Variants in C8orf34 observed in about 807,000 individuals in gnomAD.
C8orf34 encodes the protein uncharacterized protein C8orf34.
In C8orf34, 65 loss-of-function variants were observed where a neutral mutation model predicts 68.3. The observed-to-expected ratio is 0.95, with a 90% CI of 0.78 to 1.17. The LOEUF is 1.17. Ranked by LOEUF, C8orf34 falls within the 50% of genes most tolerant of loss-of-function variation. The pLI, the probability that C8orf34 is intolerant of heterozygous loss-of-function variation, is 0.00. For synonymous variants in C8orf34, 244 were observed against 241.2 expected, an observed-to-expected ratio of 1.01 and a Z score of -0.11; for missense variants, 664 against 655.4, an observed-to-expected ratio of 1.01 and a Z score of -0.14.
At chr8:68,788,614 A>C (rs147759481) in intron 12 of C8orf34, among the ~76,000 whole-genome samples, 20 of 152,298 alleles carry the variant, frequency 1.3e-4, no homozygotes, top group Admixed American at 4.6e-4. Context: ...TAATCCCAGC[A>C]TTTTGGGAGG....
intron 11 of C8orf34, among the ~76,000 whole-genome samples, chr8:68,784,718 A>G (rs1277296063): frequency 1.3e-5 from 2 of 152,074 alleles, no homozygotes; most frequent in Non-Finnish European, 2.9e-5. Flanking sequence ...TGTTACTCAA[A>G]TTGTTCTAGC....
At chr8:68,334,552 A>G (rs918448376) in intron 1 of C8orf34, among the ~76,000 whole-genome samples, 1 of 152,218 alleles carries the variant, frequency 6.6e-6, no homozygotes, top group South Asian at 2.1e-4. Context: ...AAGAGTGCTC[A>G]GGGCAGTTAT....
intron 1 of C8orf34, among the ~76,000 whole-genome samples, chr8:68,423,065 T>C (rs946296632): frequency 6.6e-6 from 1 of 152,196 alleles, no homozygotes; most frequent in South Asian, 2.1e-4. Context: ...TAGGAGTGGC[T>C]GCCATGAAAG....
intron 10 of C8orf34, among the ~76,000 whole-genome samples, chr8:68,722,437 G>A (rs555848113): frequency 1.3e-5 from 2 of 152,138 alleles, no homozygotes; most frequent in East Asian, 1.9e-4. Flanking sequence ...ACTCTGTGAC[G>A]AGATTACATG....
chr8:68,541,796 T>C (rs188732749), intron 7 of C8orf34, among the ~76,000 whole-genome samples: 14 of 152,296 alleles, frequency 9.2e-5, no homozygotes, highest in Non-Finnish European at 2.1e-4. Context: ...CCCTAATGTG[T>C]TAGAATGAAT....
chr8:68,408,073 G>A (rs535298098), intron 1 of C8orf34, among the ~76,000 whole-genome samples: 44 of 152,176 alleles, frequency 2.9e-4, no homozygotes, highest in African/African-American at 1.0e-3. Flanking sequence ...TGTATTTACA[G>A]TTGGTCCCCA....
chr8:68,455,317 G>A (rs754438887), intron 3 of C8orf34, among the ~76,000 whole-genome samples: 8 of 152,028 alleles, frequency 5.3e-5, no homozygotes, highest in Non-Finnish European at 1.0e-4. Flanking sequence ...TATTTGCTCC[G>A]TTATCGAAAG....
chr8:68,469,283 T>A (rs1812278985), intron 4 of C8orf34, among the ~76,000 whole-genome samples: 1 of 152,032 alleles, frequency 6.6e-6, no homozygotes, highest in Admixed American at 6.6e-5. Flanking sequence ...TTATTTTTTT[T>A]AATGAAAGCA....
chr8:68,543,190 T>G (rs1815756875), intron 7 of C8orf34, among the ~76,000 whole-genome samples: 3 of 152,102 alleles, frequency 2.0e-5, no homozygotes, highest in Admixed American at 1.3e-4. Flanking sequence ...AGCAAAAAAG[T>G]TTAGACATTT....
At chr8:68,581,856 C>T (rs552022300) in intron 7 of C8orf34, among the ~76,000 whole-genome samples, 1 of 152,050 alleles carries the variant, frequency 6.6e-6, no homozygotes, top group Admixed American at 6.6e-5. Flanking sequence ...TTGGCAGAAC[C>T]AAATTTCATC....
At chr8:68,467,087 T>C (rs1812179842) in intron 3 of C8orf34, among the ~76,000 whole-genome samples, 1 of 151,952 alleles carries the variant, frequency 6.6e-6, no homozygotes. Context: ...ATCTACACAA[T>C]CAAACATAAG....
Position 68,760,524 on chromosome 8 carries a change from T to A in C8orf34, c.1405-15875T>A, listed in dbSNP as rs148287588. On this transcript the variant is annotated intron_variant, in intron 10 of 13. Transcript: ENST00000518698. ...TATTCTGGAAGCTTGGAGGAGACAC[T>A]GAATGATTCAAACCCTTGTGCCTAC... Among the ~76,000 whole-genome samples, 526 of 152,312 alleles carry A rather than the reference T, an allele frequency of 3.5e-3. 3 individuals carry two copies. The highest frequency in any genetic ancestry group is 0.012 in the African/African-American group (508 of 41,572).
At chr8:68,660,634 T>C (rs906121063) in intron 8 of C8orf34, among the ~76,000 whole-genome samples, 2 of 152,302 alleles carry the variant, frequency 1.3e-5, no homozygotes, top group African/African-American at 4.8e-5. Flanking sequence ...GTTGCCTGCC[T>C]CTGGATCCCT....
intron 12 of C8orf34, among the ~76,000 whole-genome samples, chr8:68,796,211 G>A (rs1421235948): frequency 6.6e-6 from 1 of 152,174 alleles, no homozygotes; most frequent in Non-Finnish European, 1.5e-5. Flanking sequence ...TTTTTCTTGA[G>A]TTAATGTTCT....
At chr8:68,774,845 G>A (rs189941345) in intron 10 of C8orf34, among the ~76,000 whole-genome samples, 68 of 150,196 alleles carry the variant, frequency 4.5e-4, no homozygotes, top group Non-Finnish European at 8.6e-4. Context: ...GGTGGCTCAC[G>A]CCCGTAATTC....
intron 4 of C8orf34, among the ~76,000 whole-genome samples, chr8:68,479,258 G>T (rs1450171216): frequency 6.6e-6 from 1 of 152,120 alleles, no homozygotes; most frequent in Non-Finnish European, 1.5e-5. Flanking sequence ...GTAGAGAAAG[G>T]AGGAGTACGT....
intron 8 of C8orf34, among the ~76,000 whole-genome samples, chr8:68,698,966 G>C: frequency 6.6e-6 from 1 of 152,032 alleles, no homozygotes; most frequent in Non-Finnish European, 1.5e-5. Flanking sequence ...GGAAGGGAAA[G>C]GCCTCCTTCC....
intron 1 of C8orf34, among the ~76,000 whole-genome samples, chr8:68,405,447 C>T (rs1316003673): frequency 6.6e-6 from 1 of 152,178 alleles, no homozygotes; most frequent in Non-Finnish European, 1.5e-5. Flanking sequence ...CTGACCATTG[C>T]ATATTAAGAC....
chr8:68,436,243 G>T (rs1012165587), intron 1 of C8orf34, among the ~76,000 whole-genome samples: 1 of 151,948 alleles, frequency 6.6e-6, no homozygotes, highest in Non-Finnish European at 1.5e-5. Context: ...AAAAATAGTG[G>T]CTATCAGATT....
Sources: allele counts gnomAD v4.1 joint callset (sites outside exome capture counted in the v4.1 genomes callset), GRCh38; gene constraint gnomAD v4.1.1; transcripts MANE v1.5; gene names NCBI Gene and HGNC (gene_info 2026-07-23, HGNC 2026-07-21).